WWOX: variants seen among roughly 807,000 people sequenced by gnomAD.
WWOX encodes the protein WW domain-containing oxidoreductase.
WWOX carries 69 observed loss-of-function variants against 46.2 expected under a neutral mutation model. The observed-to-expected ratio is 1.49, with a 90% confidence interval of 1.23 to 1.82. WWOX has a LOEUF of 1.82. WWOX is among the 40% of genes most tolerant of loss of function. The pLI, the probability that WWOX is intolerant of heterozygous loss-of-function variation, is 0.00. For missense variants in WWOX, 919 were observed against 542.6 expected (o/e 1.69, Z -6.89); for synonymous variants, 359 against 202.6 (o/e 1.77, Z -6.56).
intron 8 of WWOX, among the ~76,000 whole-genome samples, chr16:78,988,047 G>A (rs1249489291): frequency 1.3e-5 from 2 of 151,972 alleles, no homozygotes; most frequent in Non-Finnish European, 1.5e-5. Context: ...AAACATAAAA[G>A]AGAGCGAATT....
intron 5 of WWOX, among the ~76,000 whole-genome samples, chr16:78,360,340 C>G (rs111641651): frequency 0.013 from 1,982 of 152,236 alleles, 38 homozygotes; most frequent in African/African-American, 0.044. Flanking sequence ...AATCCCAGCA[C>G]TTTGGGAGGC....
At chr16:78,470,451 C>T (rs2738677) in intron 8 of WWOX, among the ~76,000 whole-genome samples, 1 of 152,102 alleles carries the variant, frequency 6.6e-6, no homozygotes, top group Admixed American at 6.5e-5. Context: ...AGCATGCTTC[C>T]TTCCCTCTAC....
intron 5 of WWOX, among the ~76,000 whole-genome samples, chr16:78,276,523 T>C (rs992104221): frequency 6.6e-6 from 1 of 152,234 alleles, no homozygotes; most frequent in Admixed American, 6.5e-5. Context: ...CTTCTCCCTT[T>C]TCTCATAACT....
At chr16:78,452,410 G>A (rs972670630) in intron 8 of WWOX, among the ~76,000 whole-genome samples, 1 of 151,518 alleles carries the variant, frequency 6.6e-6, no homozygotes, top group African/African-American at 2.4e-5. Flanking sequence ...GTGTGTGTAT[G>A]CATGTGTGTG....
At chr16:78,581,405 G>T (rs543956863) in intron 8 of WWOX, among the ~76,000 whole-genome samples, 1 of 152,242 alleles carries the variant, frequency 6.6e-6, no homozygotes, top group East Asian at 1.9e-4. Context: ...TTAAATCTGG[G>T]TTGGAAAAAC....
chr16:78,272,027 A>G (rs545804209), intron 5 of WWOX, among the ~76,000 whole-genome samples: 104 of 152,352 alleles, frequency 6.8e-4, no homozygotes, highest in Non-Finnish European at 1.2e-3. Context: ...TTTTGGAGTA[A>G]CAAGTAGCTC....
intron 8 of WWOX, among the ~76,000 whole-genome samples, chr16:78,439,069 A>G: frequency 6.6e-6 from 1 of 152,226 alleles, no homozygotes; most frequent in East Asian, 1.9e-4. Context: ...CCTGCAGCTG[A>G]CTACACTATA....
intron 8 of WWOX, among the ~76,000 whole-genome samples, chr16:78,581,744 C>T (rs376275469): frequency 1.3e-5 from 2 of 152,156 alleles, no homozygotes; most frequent in East Asian, 3.9e-4. Flanking sequence ...AAAATTATCT[C>T]TTGTAACACC....
intron 5 of WWOX, among the ~76,000 whole-genome samples, chr16:78,240,451 A>C (rs745911911): frequency 4.6e-5 from 7 of 152,192 alleles, no homozygotes; most frequent in Non-Finnish European, 1.0e-4. Context: ...GGCAGCCCCC[A>C]GAAACGAGGA....
At chr16:78,599,271 C>G (rs1481767734) in intron 8 of WWOX, among the ~76,000 whole-genome samples, 1 of 152,208 alleles carries the variant, frequency 6.6e-6, no homozygotes, top group Non-Finnish European at 1.5e-5. Flanking sequence ...CTAGCTTTGT[C>G]TGTGAACCTC....
intron 6 of WWOX, among the ~76,000 whole-genome samples, chr16:78,406,774 G>A (rs1258345974): frequency 2.0e-5 from 3 of 151,832 alleles, no homozygotes; most frequent in Admixed American, 6.6e-5. Flanking sequence ...TTACAGTCGT[G>A]TGCCACCACG....
chr16:78,682,626 C>T (rs1034931668), intron 8 of WWOX, among the ~76,000 whole-genome samples: 1 of 152,226 alleles, frequency 6.6e-6, no homozygotes, highest in Non-Finnish European at 1.5e-5. Flanking sequence ...CCCCTGTAAT[C>T]CCAGCAGTCT....
intron 8 of WWOX, among the ~76,000 whole-genome samples, chr16:78,458,845 AG>A (rs1328576974): frequency 1.3e-5 from 2 of 152,084 alleles, no homozygotes; most frequent in Non-Finnish European, 2.9e-5. Context: ...AGGTTGGCAA[AG>A]GGGACAGGAG....
At chr16:78,773,145 T>C (rs1362078003) in intron 8 of WWOX, among the ~76,000 whole-genome samples, 2 of 152,200 alleles carry the variant, frequency 1.3e-5, no homozygotes, top group African/African-American at 2.4e-5. Context: ...GCAGGGGACT[T>C]TGACGATTTT....
At chr16:79,091,601 C>T (rs1247455493) in intron 8 of WWOX, among the ~76,000 whole-genome samples, 1 of 152,062 alleles carries the variant, frequency 6.6e-6, no homozygotes, top group Non-Finnish European at 1.5e-5. Context: ...GGAACTGTGC[C>T]CTTTGCAAGA....
chr16:78,952,974 A>C (rs957796622), intron 8 of WWOX, among the ~76,000 whole-genome samples: 1 of 152,128 alleles, frequency 6.6e-6, no homozygotes, highest in African/African-American at 2.4e-5. Context: ...AAACCACACA[A>C]TGCTCATGAA....
intron 8 of WWOX, among the ~76,000 whole-genome samples, chr16:78,984,184 C>T (rs2046740009): frequency 1.3e-5 from 2 of 152,030 alleles, no homozygotes; most frequent in South Asian, 2.1e-4. Flanking sequence ...GGCCAGAGGG[C>T]TATTCTTTGT....
At chr16:78,291,941 C>G (rs921091126) in intron 5 of WWOX, among the ~76,000 whole-genome samples, 2 of 151,938 alleles carry the variant, frequency 1.3e-5, no homozygotes, top group Non-Finnish European at 2.9e-5. Flanking sequence ...TCTGGGAATC[C>G]CAGATTGATC....
chr16:78,731,370 A>C (rs553938733), intron 8 of WWOX, among the ~76,000 whole-genome samples: 1 of 152,254 alleles, frequency 6.6e-6, no homozygotes, highest in African/African-American at 2.4e-5. Context: ...TATAGATTGC[A>C]TGACTTCAAA....
Sources: allele counts gnomAD v4.1 joint callset (sites outside exome capture counted in the v4.1 genomes callset), GRCh38; gene constraint gnomAD v4.1.1; transcripts MANE v1.5; gene names NCBI Gene and HGNC (gene_info 2026-07-23, HGNC 2026-07-21).